Variants in CABP5 observed in about 807,000 individuals in gnomAD.
CABP5 encodes the protein calcium-binding protein 5.
CABP5 carries 17 observed loss-of-function variants against 21.9 expected under a neutral mutation model. The observed-to-expected ratio is 0.78, with a 90% CI of 0.53 to 1.17. The LOEUF is 1.17. Ranked by LOEUF, CABP5 falls within the 50% of genes most tolerant of loss-of-function variation. The pLI is 0.00. For synonymous variants in CABP5, 85 were observed against 79.4 expected, an observed-to-expected ratio of 1.07 and a Z score of -0.37; for missense variants, 229 against 228.9, an observed-to-expected ratio of 1.00 and a Z score of 0.00.
chr19:48,039,356 C>T (rs1462243945), intron 3 of CABP5, 39 bp from the exon 4 acceptor site: 1 of 1,505,684 alleles, frequency 6.6e-7, no homozygotes, highest in South Asian at 1.1e-5. Flanking sequence ...ACCCCACAAG[C>T]CCTGGCCTTC....
intron 4 of CABP5, among the ~76,000 whole-genome samples, chr19:48,035,319 C>T (rs1040601405): frequency 5.3e-5 from 8 of 152,164 alleles, no homozygotes; most frequent in African/African-American, 1.9e-4. Flanking sequence ...CTGAATATGC[C>T]GGACTCAGTG....
At chr19:48,033,062 C>T (rs905207809) in intron 5 of CABP5, among the ~76,000 whole-genome samples, 4 of 142,836 alleles carry the variant, frequency 2.8e-5, no homozygotes, top group East Asian at 2.1e-4. Flanking sequence ...AGTGCAATGG[C>T]GCGATCTCAG....
chr19:48,039,703 CTTTTTTTTTTTTTTTTT>C (rs772482700), intron 3 of CABP5, among the ~76,000 whole-genome samples: 990 of 59,242 alleles, frequency 0.017, 31 homozygotes, highest in Middle Eastern at 0.05. Flanking sequence ...AACCCAATAG[CTTTTTTTTTTTTTTTTT>C]TTTTTTTTTT....
Position 48,029,862 on chromosome 19 carries a change from C to T in CABP5, c.*695G>A, listed in dbSNP as rs1223658818. On this transcript the variant is annotated 3_prime_UTR_variant, in exon 6 of 6. Coordinates refer to ENST00000293255, the MANE Select transcript of CABP5 (RefSeq NM_019855.5). The stretch of plus-strand genomic sequence containing the variant: ...AAACCAGACAGTGCTTCCAGGAAAT[C>T]AGGAAAAGGAAGGAGTTGACTTTGA... 7.2e-6 allele frequency: 1 copy of T among 139,302 alleles called. No homozygotes were observed. Among genetic ancestry groups the T allele is most frequent in the African/African-American group, 2.6e-5 (1 of 38,066 alleles). 8.6% of individuals were successfully genotyped at this position (139,302 alleles called of 1,614,324 possible). A position where few individuals can be genotyped will look rare whatever the true frequency, so the allele number is the denominator to read the frequency against.
intron 4 of CABP5, among the ~76,000 whole-genome samples, chr19:48,037,760 G>A (rs987644110): frequency 5.9e-5 from 9 of 152,150 alleles, no homozygotes; most frequent in Admixed American, 2.0e-4. Flanking sequence ...AAGGCAGTAA[G>A]TTCTAAGTTC....
chr19:48,038,287 A>G (rs1967436246), intron 4 of CABP5, among the ~76,000 whole-genome samples: 1 of 151,980 alleles, frequency 6.6e-6, no homozygotes, highest in Admixed American at 6.6e-5. Flanking sequence ...TAGGATTTGA[A>G]CCCATGTTTG....
Position 48,030,587 on chromosome 19 carries a change from A to G in CABP5, c.497-5T>C. 6.2e-7 allele frequency: 1 copy of G among 1,609,036 alleles called. No homozygotes were observed. Among genetic ancestry groups the G allele is most frequent in the South Asian group, 1.1e-5 (1 of 90,872 alleles). On this transcript the variant is annotated splice_polypyrimidine_tract_variant and splice_region_variant and intron_variant, in intron 5 of 5. Transcript: ENST00000293255. ...GAGACATCATCTTCACAAACTCTGC[A>G]AAGAAAAAAAAAAATCCCCAGTAAG...
chr19:48,033,142 C>T (rs1967362735), intron 5 of CABP5, among the ~76,000 whole-genome samples: 1 of 151,710 alleles, frequency 6.6e-6, no homozygotes, highest in Admixed American at 6.6e-5. Context: ...GCTGGGATTA[C>T]AGGCACCTGC....
At chr19:48,037,372 G>A (rs903466149) in intron 4 of CABP5, among the ~76,000 whole-genome samples, 43 of 141,884 alleles carry the variant, frequency 3.0e-4, no homozygotes, top group East Asian at 4.4e-4. Context: ...GGGTTCAAGC[G>A]ATTCTTCTGC....
Position 48,034,288 on chromosome 19 carries a change from C to T in CABP5, c.423G>A (p.Arg141=), listed in dbSNP as rs1273853885. 6.2e-7 allele frequency: 1 copy of T among 1,609,024 alleles called. No individual in the cohort carries two copies. Among genetic ancestry groups the T allele is most frequent in the Non-Finnish European group, 8.5e-7 (1 of 1,177,950 alleles). ...CCTCAGAGATCTCCCGGGGGGTGAG[C>T]CGCTCCCCCAGGAGTCTCTGCATGG... ...QQAMQRLLGE[R]LTPREISEVV... The change falls in exon 5 of 6, where the codon CGG becomes CGA. Residue 141 remains arginine, a synonymous_variant. Transcript: ENST00000293255.
chr19:48,044,028 C>T lies in CABP5; in HGVS notation c.-106G>A, dbSNP rs886862684. The stretch of plus-strand genomic sequence containing the variant: ...TATCTTCTCCAGCACTCCTTTGCCA[C>T]CTCTTCCTGCCTCTCTTGGCTTCTC... On this transcript the variant is annotated 5_prime_UTR_variant, in exon 1 of 6. It adds an upstream start codon to the 5' untranslated region. Transcript: ENST00000293255. 2 of 890,076 alleles carry T rather than the reference C, an allele frequency of 2.2e-6. No homozygotes were observed. The highest frequency in any genetic ancestry group is 3.5e-5 in the African/African-American group (2 of 56,376). 55.1% of individuals were successfully genotyped at this position (890,076 alleles called of 1,614,324 possible).
chr19:48,041,763 C>A (rs1289356284), intron 1 of CABP5, among the ~76,000 whole-genome samples, 160 bp from the exon 2 acceptor site: 2 of 152,072 alleles, frequency 1.3e-5, no homozygotes, highest in Non-Finnish European at 1.5e-5. Flanking sequence ...TCTCCTGACT[C>A]CTGTTCCACA....
At chr19:48,039,924 A>G (rs1377231461) in intron 3 of CABP5, among the ~76,000 whole-genome samples, 1 of 151,928 alleles carries the variant, frequency 6.6e-6, no homozygotes, top group East Asian at 1.9e-4. Context: ...CATGTTGCCC[A>G]TGCTGTTCAC....
At chr19:48,042,567 T>TC (rs1445350518) in intron 1 of CABP5, among the ~76,000 whole-genome samples, 1 of 107,566 alleles carries the variant, frequency 9.3e-6, no homozygotes, top group Non-Finnish European at 1.9e-5. Flanking sequence ...ACCCTTTTTT[T>TC]CATTCTCTCT....
At chr19:48,033,559 A>C (rs1967369387) in intron 5 of CABP5, among the ~76,000 whole-genome samples, 1 of 152,136 alleles carries the variant, frequency 6.6e-6, no homozygotes, top group South Asian at 2.1e-4. Flanking sequence ...AGGGACACGG[A>C]GCCCAGTAAG....
chr19:48,043,112 C>A (rs543734907), intron 1 of CABP5, among the ~76,000 whole-genome samples: 1 of 151,730 alleles, frequency 6.6e-6, no homozygotes, highest in Non-Finnish European at 1.5e-5. Flanking sequence ...TGGGCTCAAG[C>A]GATCCTCCTG....
At chr19:48,033,834 C>T (rs1967372461) in intron 5 of CABP5, among the ~76,000 whole-genome samples, 1 of 152,106 alleles carries the variant, frequency 6.6e-6, no homozygotes. Flanking sequence ...GAATTTGAAG[C>T]CCCTGAACCT....
intron 4 of CABP5, among the ~76,000 whole-genome samples, chr19:48,038,413 A>T (rs1967437762): frequency 6.6e-6 from 1 of 152,204 alleles, no homozygotes; most frequent in Admixed American, 6.5e-5. Context: ...CAAGTCTGTT[A>T]TTCTCACTGG....
chr19:48,034,285 G>T lies in CABP5; in HGVS notation c.426C>A (p.Leu142=), dbSNP rs150663756. 512 of 1,608,672 alleles carry T rather than the reference G, an allele frequency of 3.2e-4. No homozygotes were observed. Among genetic ancestry groups the T allele is most frequent in the Non-Finnish European group, 4.1e-4 (481 of 1,177,968 alleles). ...QAMQRLLGER[L]TPREISEVVR... ...CAACCTCAGAGATCTCCCGGGGGGT[G>T]AGCCGCTCCCCCAGGAGTCTCTGCA... is the stretch of plus-strand genomic sequence containing the variant. The change falls in exon 5 of 6, where the codon CTC becomes CTA. Residue 142 remains leucine (L), a synonymous_variant. Transcript: ENST00000293255.
Sources: allele counts gnomAD v4.1 joint callset (sites outside exome capture counted in the v4.1 genomes callset), GRCh38; gene constraint gnomAD v4.1.1; transcripts MANE v1.5; gene names NCBI Gene and HGNC (gene_info 2026-07-23, HGNC 2026-07-21).